Variants in CADM2 observed in about 807,000 individuals in gnomAD.
The protein encoded by CADM2 is cell adhesion molecule 2.
Under a neutral mutation model 49.8 loss-of-function variants are expected in CADM2, and 12 were observed. The observed-to-expected ratio is 0.24, with a 90% CI of 0.15 to 0.39. CADM2 has a LOEUF of 0.39. Among genes scored for constraint, CADM2 ranks in the 10% least tolerant of loss-of-function variants. CADM2 has a pLI of 1.00. For synonymous variants in CADM2, 214 were observed against 175.4 expected, an observed-to-expected ratio of 1.22 and a Z score of -1.74; for missense variants, 378 against 492.3, an observed-to-expected ratio of 0.77 and a Z score of 2.20.
intron 1 of CADM2, among the ~76,000 whole-genome samples, chr3:85,105,259 A>G (rs1437677313): frequency 6.6e-6 from 1 of 152,218 alleles, no homozygotes; most frequent in African/African-American, 2.4e-5. Context: ...GGAAAAAACA[A>G]ACAACCCCAT....
At chr3:85,120,922 T>C (rs995410364) in intron 1 of CADM2, among the ~76,000 whole-genome samples, 1 of 152,196 alleles carries the variant, frequency 6.6e-6, no homozygotes, top group African/African-American at 2.4e-5. Flanking sequence ...AAACAGGGAA[T>C]TCTAGTGAAA....
intron 3 of CADM2, among the ~76,000 whole-genome samples, chr3:85,862,742 A>G (rs2075583831): frequency 6.6e-6 from 1 of 152,224 alleles, no homozygotes; most frequent in East Asian, 1.9e-4. Flanking sequence ...TGACATGTTT[A>G]GTAACCCAGG....
At chr3:85,298,185 T>G (rs1458955660) in intron 1 of CADM2, among the ~76,000 whole-genome samples, 2 of 152,106 alleles carry the variant, frequency 1.3e-5, no homozygotes, top group Non-Finnish European at 2.9e-5. Flanking sequence ...CAGGTTGACA[T>G]TGCTGAGTGC....
intron 8 of CADM2, among the ~76,000 whole-genome samples, chr3:86,021,527 AT>A (rs2107045771): frequency 6.6e-6 from 1 of 152,314 alleles, no homozygotes; most frequent in Non-Finnish European, 1.5e-5. Flanking sequence ...TCTGTGAAAA[AT>A]ATCTTTATTG....
chr3:85,310,176 A>G (rs1427065199), intron 1 of CADM2, among the ~76,000 whole-genome samples: 2 of 152,206 alleles, frequency 1.3e-5, no homozygotes, highest in Non-Finnish European at 2.9e-5. Context: ...GAATACATTT[A>G]TTCTTCTTTT....
chr3:85,600,105 A>C (rs1485607081), intron 1 of CADM2, among the ~76,000 whole-genome samples: 1 of 151,996 alleles, frequency 6.6e-6, no homozygotes, highest in Admixed American at 6.6e-5. Flanking sequence ...ATATATTAAT[A>C]ATATTTCAAC....
At chr3:85,825,088 T>C (rs1245647446) in intron 3 of CADM2, among the ~76,000 whole-genome samples, 1 of 152,046 alleles carries the variant, frequency 6.6e-6, no homozygotes, top group East Asian at 1.9e-4. Flanking sequence ...TGAAAAATAA[T>C]AATATGCATA....
At chr3:85,234,100 A>G (rs2042359328) in intron 1 of CADM2, among the ~76,000 whole-genome samples, 1 of 152,078 alleles carries the variant, frequency 6.6e-6, no homozygotes, top group South Asian at 2.1e-4. Flanking sequence ...TACCTGAGTT[A>G]TACAGAAATT....
At chr3:86,046,023 T>G (rs544377424) in intron 8 of CADM2, among the ~76,000 whole-genome samples, 15 of 152,208 alleles carry the variant, frequency 9.9e-5, no homozygotes, top group African/African-American at 3.4e-4. Flanking sequence ...CAAAGTCCAG[T>G]TGGATGCAAA....
At chr3:85,116,655 T>G (rs2038649677) in intron 1 of CADM2, among the ~76,000 whole-genome samples, 1 of 152,138 alleles carries the variant, frequency 6.6e-6, no homozygotes, top group Non-Finnish European at 1.5e-5. Flanking sequence ...CTTATTATTT[T>G]TATTCATTCT....
chr3:85,078,710 C>T (rs974376361), intron 1 of CADM2, among the ~76,000 whole-genome samples: 1 of 151,274 alleles, frequency 6.6e-6, no homozygotes, highest in African/African-American at 2.4e-5. Flanking sequence ...TTAAAATGAG[C>T]CTTTTACAAT....
At chr3:85,009,261 A>C (rs1227097454) in intron 1 of CADM2, among the ~76,000 whole-genome samples, 1 of 152,210 alleles carries the variant, frequency 6.6e-6, no homozygotes, top group Non-Finnish European at 1.5e-5. Context: ...GTGGCTTCAA[A>C]AGATTAATAG....
chr3:85,544,844 GAAAA>G (rs2061630267), intron 1 of CADM2, among the ~76,000 whole-genome samples: 1 of 151,390 alleles, frequency 6.6e-6, no homozygotes, highest in Non-Finnish European at 1.5e-5. Context: ...AAGAAAAGGA[GAAAA>G]AGGGAGGATA....
At chr3:85,892,462 G>A (rs1337436549) in intron 5 of CADM2, among the ~76,000 whole-genome samples, 3 of 152,136 alleles carry the variant, frequency 2.0e-5, no homozygotes, top group Admixed American at 2.0e-4. Context: ...GAAGGACTTG[G>A]TGGGAGGTAA....
At chr3:85,824,227 C>G (rs1295983247) in intron 3 of CADM2, among the ~76,000 whole-genome samples, 1 of 152,082 alleles carries the variant, frequency 6.6e-6, no homozygotes, top group Non-Finnish European at 1.5e-5. Flanking sequence ...CAGAGGGAAA[C>G]TTAGTAATTT....
At chr3:85,996,883 C>A (rs75320767) in intron 8 of CADM2, among the ~76,000 whole-genome samples, 6,512 of 152,090 alleles carry the variant, frequency 0.043, 442 homozygotes, top group African/African-American at 0.15. Context: ...ATAAACAATC[C>A]CTATTTTGAT....
intron 1 of CADM2, among the ~76,000 whole-genome samples, chr3:85,025,450 G>C (rs1485851647): frequency 6.6e-6 from 1 of 152,142 alleles, no homozygotes; most frequent in Non-Finnish European, 1.5e-5. Context: ...TTTCTTCCAT[G>C]AGTAAACTTT....
intron 8 of CADM2, among the ~76,000 whole-genome samples, chr3:85,974,358 G>A (rs1046437551): frequency 2.0e-5 from 3 of 151,654 alleles, no homozygotes; most frequent in Non-Finnish European, 4.4e-5. Flanking sequence ...TGTGTCAGAG[G>A]CAGATGTCTT....
chr3:85,305,319 G>GA (rs918965674), intron 1 of CADM2, among the ~76,000 whole-genome samples: 2 of 151,300 alleles, frequency 1.3e-5, no homozygotes, highest in African/African-American at 4.8e-5. Context: ...AACTGGAAGG[G>GA]AAAAAAATCC....
Sources: allele counts gnomAD v4.1 joint callset (sites outside exome capture counted in the v4.1 genomes callset), GRCh38; gene constraint gnomAD v4.1.1; transcripts MANE v1.5; gene names NCBI Gene and HGNC (gene_info 2026-07-23, HGNC 2026-07-21).